CSMD3: variants seen among roughly 807,000 people sequenced by gnomAD.
The protein encoded by CSMD3 is CUB and sushi domain-containing protein 3.
Under a neutral mutation model 435.2 loss-of-function variants are expected in CSMD3, and 177 were observed. That is an observed-to-expected ratio of 0.41 (90% CI 0.36 to 0.46). The LOEUF (loss-of-function observed/expected upper bound fraction) is 0.46. Among genes scored for constraint, CSMD3 ranks in the 20% least tolerant of loss-of-function variants. The pLI is 0.34. For missense variants in CSMD3, 4,265 were observed against 4,504.6 expected (o/e 0.95, Z 1.52); for synonymous variants, 1,656 against 1,520.5 (o/e 1.09, Z -2.07).
intron 4 of CSMD3, among the ~76,000 whole-genome samples, chr8:113,159,379 C>A (rs188743384): frequency 1.9e-4 from 29 of 151,960 alleles, no homozygotes; most frequent in African/African-American, 7.0e-4. Flanking sequence ...GACCAAAATT[C>A]TTAAAAAGTA....
intron 54 of CSMD3, 78 bp from the exon 55 acceptor site, chr8:112,292,788 T>A (rs2130692817): frequency 8.1e-7 from 1 of 1,239,730 alleles, no homozygotes; most frequent in Non-Finnish European, 1.2e-6. Flanking sequence ...CATTATTGAT[T>A]ATACTTAATC....
chr8:112,605,850 A>C (rs1832752173), intron 22 of CSMD3, among the ~76,000 whole-genome samples: 1 of 152,124 alleles, frequency 6.6e-6, no homozygotes, highest in Non-Finnish European at 1.5e-5. Context: ...TAATTAATTT[A>C]TATTATGTTT....
chr8:112,643,949 G>A (rs2074906727), intron 20 of CSMD3, among the ~76,000 whole-genome samples: 1 of 151,516 alleles, frequency 6.6e-6, no homozygotes, highest in African/African-American at 2.4e-5. Flanking sequence ...TAGTTTTAAT[G>A]GTAATAACAT....
intron 4 of CSMD3, among the ~76,000 whole-genome samples, chr8:113,153,127 G>A (rs200499553): frequency 1.2e-3 from 81 of 70,002 alleles, no homozygotes; most frequent in African/African-American, 3.4e-3. Flanking sequence ...GAAAGAAAGA[G>A]AAAGAAGGAA....
chr8:112,535,355 C>T (rs577271738), intron 27 of CSMD3, among the ~76,000 whole-genome samples: 11 of 152,226 alleles, frequency 7.2e-5, no homozygotes, highest in African/African-American at 1.9e-4. Context: ...ACAAAAATCA[C>T]GAGCATTCTT....
chr8:112,908,865 T>C (rs2082332049), intron 10 of CSMD3, among the ~76,000 whole-genome samples: 1 of 151,508 alleles, frequency 6.6e-6, no homozygotes, highest in Non-Finnish European at 1.5e-5. Flanking sequence ...GCAGGAAAAA[T>C]AACCTGTGTC....
At chr8:113,278,560 G>T (rs936771871) in intron 3 of CSMD3, 32 bp downstream of exon 3, 1 of 984,902 alleles carries the variant, frequency 1.0e-6, no homozygotes, top group Non-Finnish European at 1.6e-6. Context: ...TACATTAAGG[G>T]CAGTGGTTTG....
At chr8:112,665,246 G>C (rs953187207) in intron 17 of CSMD3, among the ~76,000 whole-genome samples, 1 of 152,000 alleles carries the variant, frequency 6.6e-6, no homozygotes, top group African/African-American at 2.4e-5. Flanking sequence ...TTTGCCATAC[G>C]AAGCTCTTCA....
chr8:112,277,053 T>C (rs1315223655), intron 59 of CSMD3, among the ~76,000 whole-genome samples: 3 of 152,154 alleles, frequency 2.0e-5, no homozygotes, highest in East Asian at 3.9e-4. Flanking sequence ...ACATTTTTCC[T>C]ATTGTTTTGG....
chr8:112,244,996 A>G (rs1814580005), intron 64 of CSMD3, among the ~76,000 whole-genome samples: 1 of 151,854 alleles, frequency 6.6e-6, no homozygotes, highest in Non-Finnish European at 1.5e-5. Context: ...AGAAAATATT[A>G]TTTTATAAAT....
At chr8:112,773,114 G>A (rs371627648) in intron 13 of CSMD3, among the ~76,000 whole-genome samples, 30 of 152,008 alleles carry the variant, frequency 2.0e-4, no homozygotes, top group African/African-American at 7.0e-4. Flanking sequence ...GACGAGAAAC[G>A]CTTACAGGTG....
At chr8:112,402,696 T>C (rs1831445378) in intron 35 of CSMD3, among the ~76,000 whole-genome samples, 2 of 152,096 alleles carry the variant, frequency 1.3e-5, no homozygotes, top group Non-Finnish European at 2.9e-5. Context: ...GCAGAAATAA[T>C]GATTCTTAGT....
chr8:113,235,958 A>T (rs1238223578), intron 3 of CSMD3, among the ~76,000 whole-genome samples: 1 of 152,100 alleles, frequency 6.6e-6, no homozygotes, highest in Admixed American at 6.6e-5. Context: ...TTCCTGATGT[A>T]ACTTCCCCAA....
intron 5 of CSMD3, among the ~76,000 whole-genome samples, chr8:113,055,924 G>C (rs1036350361): frequency 6.6e-6 from 1 of 152,166 alleles, no homozygotes; most frequent in Non-Finnish European, 1.5e-5. Flanking sequence ...GGTCTTATAT[G>C]AGAAGCTGGC....
intron 5 of CSMD3, among the ~76,000 whole-genome samples, chr8:113,089,036 T>C (rs1361649986): frequency 1.3e-5 from 2 of 152,126 alleles, no homozygotes; most frequent in African/African-American, 4.8e-5. Context: ...TTTTTCGTGT[T>C]CTTTCTTTTT....
intron 45 of CSMD3, among the ~76,000 whole-genome samples, chr8:112,330,928 A>C (rs1823987159): frequency 1.3e-5 from 2 of 152,026 alleles, no homozygotes; most frequent in Admixed American, 6.6e-5. Context: ...GAAGTCAGGC[A>C]GACCTATTTT....
chr8:112,576,883 T>TAA, intron 23 of CSMD3, among the ~76,000 whole-genome samples: 1 of 150,656 alleles, frequency 6.6e-6, no homozygotes, highest in South Asian at 2.1e-4. Context: ...TAAGACACAT[T>TAA]AAAAAAATAA....
At chr8:112,806,523 T>C (rs1295586111) in intron 12 of CSMD3, among the ~76,000 whole-genome samples, 2 of 152,154 alleles carry the variant, frequency 1.3e-5, no homozygotes, top group Non-Finnish European at 2.9e-5. Flanking sequence ...AATGTGTGGG[T>C]ATGCCAACAG....
chr8:113,158,816 G>T (rs978496684), intron 4 of CSMD3, among the ~76,000 whole-genome samples: 6 of 151,800 alleles, frequency 4.0e-5, no homozygotes, highest in Non-Finnish European at 7.4e-5. Flanking sequence ...AATTTTAAAT[G>T]TACAAACGAT....
Sources: gnomAD v4.1 joint callset for allele counts (sites outside exome capture counted in the v4.1 genomes callset) on GRCh38, gnomAD v4.1.1 for gene constraint, MANE v1.5 for transcripts, NCBI Gene and HGNC (gene_info 2026-07-23, HGNC 2026-07-21) for gene names.